MAPKAPK3: variants seen among roughly 807,000 people sequenced by gnomAD.
MAPKAPK3 encodes MAPK activated protein kinase 3, also known as MAP kinase-activated protein kinase 3.
Under a neutral mutation model 49.2 loss-of-function variants are expected in MAPKAPK3, and 35 were observed. The observed-to-expected ratio is 0.71, with a 90% confidence interval of 0.54 to 0.94. MAPKAPK3 has a LOEUF of 0.94. Ranked by LOEUF, MAPKAPK3 falls within the 40% of genes least tolerant of loss-of-function variation. The pLI, the probability that MAPKAPK3 is intolerant of heterozygous loss-of-function variation, is 0.00. For missense variants in MAPKAPK3, 398 were observed against 493.1 expected, an observed-to-expected ratio of 0.81 and a Z score of 1.83; for synonymous variants, 178 against 188.7, an observed-to-expected ratio of 0.94 and a Z score of 0.46.
At chr3:50,614,302 C>T (rs2107565298), upstream of MAPKAPK3, among the ~76,000 whole-genome samples, 1 of 152,258 alleles carries the variant, frequency 6.6e-6, no homozygotes, top group Middle Eastern at 3.4e-3. Context: ...GCCAAATTTC[C>T]ATAGATTCTT....
At chr3:50,613,915 G>A (rs1431809523), upstream of MAPKAPK3, 2 of 152,288 alleles carry the variant, frequency 1.3e-5, no homozygotes, top group East Asian at 1.9e-4. Flanking sequence ...GTGATCTGCC[G>A]ACTCCTAGAC....
chr3:50,620,511 T>C (rs1179351619), intron 2 of MAPKAPK3, among the ~76,000 whole-genome samples: 1 of 152,182 alleles, frequency 6.6e-6, no homozygotes, highest in Non-Finnish European at 1.5e-5. Context: ...AGATGGAAGA[T>C]AGTGCTTAAC....
intron 2 of MAPKAPK3, among the ~76,000 whole-genome samples, chr3:50,626,980 G>A (rs544394765): frequency 1.3e-5 from 2 of 152,238 alleles, no homozygotes; most frequent in South Asian, 2.1e-4. Flanking sequence ...ATCACCTGAA[G>A]TCAGGAGTTC....
At chr3:50,643,109 C>T (rs991728843) in intron 5 of MAPKAPK3, among the ~76,000 whole-genome samples, 7 of 152,114 alleles carry the variant, frequency 4.6e-5, no homozygotes, top group African/African-American at 1.5e-4. Flanking sequence ...GCCTCGGCCT[C>T]GAAAAGTGCT....
intron 2 of MAPKAPK3, among the ~76,000 whole-genome samples, chr3:50,623,904 C>T (rs74419552): frequency 0.026 from 3,954 of 152,342 alleles, 153 homozygotes; most frequent in African/African-American, 0.088. Flanking sequence ...CTGAGTGATG[C>T]TGCCAGTGTC....
chr3:50,613,325 G>GA (rs910044323), upstream of MAPKAPK3, among the ~76,000 whole-genome samples: 95 of 152,324 alleles, frequency 6.2e-4, no homozygotes, highest in African/African-American at 2.2e-3. Flanking sequence ...TGAAACTGGG[G>GA]AAAAAACGTT....
intron 7 of MAPKAPK3, 42 bp downstream of exon 7, chr3:50,645,827 A>ACC: frequency 1.3e-6 from 2 of 1,545,600 alleles, no homozygotes; most frequent in South Asian, 2.3e-5. Flanking sequence ...TCCTGCCCTT[A>ACC]CCCCCACTGT....
intron 6 of MAPKAPK3, among the ~76,000 whole-genome samples, chr3:50,645,339 T>C (rs1014276490): frequency 1.3e-5 from 2 of 152,172 alleles, no homozygotes; most frequent in Admixed American, 6.5e-5. Context: ...GCCTGTGACC[T>C]AGGCTATGCA....
chr3:50,637,159 C>T (rs1232826310), intron 2 of MAPKAPK3, among the ~76,000 whole-genome samples: 2 of 152,064 alleles, frequency 1.3e-5, no homozygotes, highest in East Asian at 1.9e-4. Flanking sequence ...GGCCATCTAC[C>T]GCCCTCCTTC....
At chr3:50,627,386 C>T (rs929412641) in intron 2 of MAPKAPK3, among the ~76,000 whole-genome samples, 1 of 151,988 alleles carries the variant, frequency 6.6e-6, no homozygotes, top group African/African-American at 2.4e-5. Context: ...GAGGGTGCCC[C>T]AGGATGCCTC....
At chr3:50,614,805 T>A (rs117830810), upstream of MAPKAPK3, among the ~76,000 whole-genome samples, 1 of 152,244 alleles carries the variant, frequency 6.6e-6, no homozygotes, top group East Asian at 1.9e-4. Flanking sequence ...TGGACCCATG[T>A]GGGGAATGCG....
chr3:50,634,840 T>C (rs1400011563), intron 2 of MAPKAPK3, among the ~76,000 whole-genome samples: 5 of 152,186 alleles, frequency 3.3e-5, no homozygotes, highest in Non-Finnish European at 5.9e-5. Context: ...CATGACATCA[T>C]TGCCCATTTC....
At chr3:50,623,562 C>A (rs944716870) in intron 2 of MAPKAPK3, among the ~76,000 whole-genome samples, 1 of 152,174 alleles carries the variant, frequency 6.6e-6, no homozygotes. Flanking sequence ...CCCCCATAAA[C>A]GGCTAACAGT....
At chr3:50,620,934 G>A (rs1357356380) in intron 2 of MAPKAPK3, among the ~76,000 whole-genome samples, 4 of 152,262 alleles carry the variant, frequency 2.6e-5, no homozygotes, top group African/African-American at 9.6e-5. Context: ...CCTCTAACTG[G>A]GCACAGCCCT....
upstream of MAPKAPK3, chr3:50,611,837 G>A: frequency 1.5e-6 from 1 of 680,562 alleles, no homozygotes; most frequent in South Asian, 2.7e-5. Context: ...GCGGGGCGGG[G>A]CGAGCTGCTG....
chr3:50,616,537 C>T (rs1356459239), upstream of MAPKAPK3, among the ~76,000 whole-genome samples: 1 of 152,180 alleles, frequency 6.6e-6, no homozygotes, highest in Non-Finnish European at 1.5e-5. Flanking sequence ...GATCAAATGG[C>T]AACTCGGGAT....
upstream of MAPKAPK3, among the ~76,000 whole-genome samples, chr3:50,616,003 G>C (rs906915852): frequency 1.3e-5 from 2 of 152,220 alleles, no homozygotes; most frequent in African/African-American, 4.8e-5. Flanking sequence ...GGCTGAGGGG[G>C]AGGCGCTCAC....
intron 6 of MAPKAPK3, 100 bp downstream of exon 6, chr3:50,644,632 G>A: frequency 4.7e-6 from 6 of 1,289,728 alleles, no homozygotes; most frequent in Non-Finnish European, 6.4e-6. Flanking sequence ...TTAAAGCCCA[G>A]CAAGGAGGGA....
chr3:50,617,650 G>C lies in MAPKAPK3; in HGVS notation c.85G>C (p.Gly29Arg), dbSNP rs373642329. 1.1e-5 allele frequency: 17 copies of C among 1,610,342 alleles called. No homozygotes were observed. The highest frequency in any genetic ancestry group is 1.4e-5 in the Non-Finnish European group (16 of 1,177,604). ...PGGPGLGGAP[G>R]GRREPKKYAV... is the part of the protein sequence containing the mutation. Reference sequence around the variant, plus strand: ...CGGACCCGGCTTGGGCGGTGCTCCGGGGGGGCGGCGGGAGCCCAAGAAGTA... The same window carrying C: ...CGGACCCGGCTTGGGCGGTGCTCCGCGGGGGCGGCGGGAGCCCAAGAAGTA... Residue 29 changes from glycine (G) to arginine (R), a missense_variant, in exon 2 of 11, where the codon GGG (glycine) becomes CGG (arginine). By Grantham distance (125) the Gly-to-Arg change is moderately radical (BLOSUM62 -2). Around this residue, in one of 5 missense-constraint regions of MAPKAPK3, gnomAD observed 123 missense variants for 117.7 expected, o/e 1.04. Transcript: ENST00000621469.
Sources: allele counts gnomAD v4.1 joint callset (sites outside exome capture counted in the v4.1 genomes callset), GRCh38; gene constraint gnomAD v4.1.1; regional missense constraint gnomAD v4.1.1; transcripts MANE v1.5; gene names NCBI Gene and HGNC (gene_info 2026-07-23, HGNC 2026-07-21).